CFAP74: variants seen among roughly 807,000 people sequenced by gnomAD.
CFAP74 encodes cilia and flagella associated protein 74, also known as cilia- and flagella-associated protein 74.
A neutral mutation model predicts 188.9 loss-of-function variants in CFAP74; 124 were observed. That is an observed-to-expected ratio of 0.66 (90% CI 0.57 to 0.76). The LOEUF (loss-of-function observed/expected upper bound fraction) is 0.76. Ranked by LOEUF, CFAP74 falls within the 30% of genes least tolerant of loss-of-function variation. The probability of loss-of-function intolerance (pLI) is 0.00; values close to 1 mark genes in which losing one functional copy is unlikely to be tolerated. For missense variants in CFAP74, 2,198 were observed against 2,165.2 expected (o/e 1.02, Z -0.30); for synonymous variants, 956 against 916.7 (o/e 1.04, Z -0.77).
chr1:1,941,408 T>C (rs921992390), intron 22 of CFAP74, among the ~76,000 whole-genome samples: 15 of 152,110 alleles, frequency 9.9e-5, no homozygotes, highest in Non-Finnish European at 1.3e-4. Flanking sequence ...GCACAACAAA[T>C]GTTCAAGCGC....
In CFAP74 at chr1:1,930,307, C is replaced by T; in HGVS notation, c.3041G>A (p.Gly1014Asp). 6.5e-7 allele frequency: 1 copy of T among 1,530,134 alleles called. No individual in the cohort carries two copies. Among genetic ancestry groups the T allele is most frequent in the Non-Finnish European group, 8.8e-7 (1 of 1,142,240 alleles). 94.8% of individuals were successfully genotyped at this position (1,530,134 alleles called of 1,614,324 possible). A position where few individuals can be genotyped will look rare whatever the true frequency, so the allele number is the denominator to read the frequency against. ...RCFKLSCRAV[G>D]VHPPLELSHY... ...GGACAGCTCCAGGGGTGGGTGGACG[C>T]CTACAGCCCGGCAAGACAGCTTGAA... is the stretch of plus-strand genomic sequence containing the variant. Residue 1014 changes from glycine (G) to aspartate (D), a missense_variant, in exon 26 of 39, where the codon GGC (glycine) becomes GAC (aspartate). Coordinates refer to ENST00000682832, the MANE Select transcript of CFAP74 (RefSeq NM_001304360.2).
chr1:1,990,632 G>C (rs1370101852), intron 2 of CFAP74, among the ~76,000 whole-genome samples: 2 of 152,100 alleles, frequency 1.3e-5, no homozygotes, highest in Admixed American at 1.3e-4. Context: ...TCAAAGGATT[G>C]GGATAAAAAT....
At chr1:1,993,141 C>T (rs1490614799) in intron 1 of CFAP74, among the ~76,000 whole-genome samples, 2 of 139,232 alleles carry the variant, frequency 1.4e-5, no homozygotes, top group East Asian at 4.3e-4. Context: ...GCGGAGGTTG[C>T]AGTGAGCCGA....
intron 25 of CFAP74, among the ~76,000 whole-genome samples, chr1:1,932,077 AAAC>A (rs1456843098): frequency 2.5e-4 from 15 of 59,504 alleles, no homozygotes; most frequent in East Asian, 7.0e-4. Context: ...AAAAAAAAAA[AAAC>A]AAAAAACAAA....
At chr1:2,000,862 G>A (rs572830314) in intron 1 of CFAP74, among the ~76,000 whole-genome samples, 23 of 152,204 alleles carry the variant, frequency 1.5e-4, no homozygotes, top group South Asian at 1.5e-3. Flanking sequence ...AGACAGCCCC[G>A]ATGGCCACGG....
chr1:1,973,897 G>T lies in CFAP74; in HGVS notation c.674+128C>A. The T allele has an allele frequency of 1.2e-6, 1 of 858,044 alleles. No homozygotes were observed. The highest frequency in any genetic ancestry group is 1.7e-6 in the Non-Finnish European group (1 of 592,482). The allele number at this position is 858,044 out of a possible 1,614,324, so 53.2% of individuals were successfully genotyped here. ...GGAGGAGCAAGCTGGGAGGAGGCAG[G>T]GAGGGGTGGAGGTGGATCTGGACAG... On this transcript the variant is annotated intron_variant, in intron 7 of 38. Transcript: ENST00000682832. This position sits in a 1 kb window ranked among gnomAD's most constrained non-coding sequence, Gnocchi z 6.2.
chr1:1,924,571 C>A, intron 33 of CFAP74, 51 bp from the exon 34 acceptor site: 1 of 1,559,718 alleles, frequency 6.4e-7, no homozygotes, highest in Non-Finnish European at 8.7e-7. Flanking sequence ...CCTGGCTGCC[C>A]CCTTCCTGTC....
In CFAP74 at chr1:1,923,925, C is replaced by A. The variant is rs144648593; in HGVS notation, c.4239G>T (p.Thr1413=). The change falls in exon 35 of 39, where the codon ACG becomes ACT. Residue 1413 remains threonine, a synonymous_variant. Transcript: ENST00000682832. The surrounding 1 kb of genome is among the most constrained non-coding windows in gnomAD (Gnocchi z 6.3). ...ACACGCTCTGACCGTTGAGATTCTG[C>A]GTCCCTGCGGGTAGGGTGGGGTGCA... is the stretch of plus-strand genomic sequence containing the variant. The part of the protein sequence containing the change: ...SPSQRTEVVG[T]QNLNGQSVFS... 2 of 1,608,472 alleles carry A rather than the reference C, an allele frequency of 1.2e-6. No homozygotes were observed. Among genetic ancestry groups the A allele is most frequent in the East Asian group, 4.5e-5 (2 of 44,834 alleles).
rs749423878 is a variant in CFAP74, at chr1:1,956,576, G to A, written c.2016+44C>T. 4.3e-6 allele frequency: 7 copies of A among 1,611,218 alleles called. No homozygotes were observed. In the Admixed American group the frequency reaches 1.0e-4, roughly 23 times the overall value. On this transcript the variant is annotated intron_variant, in intron 17 of 38. Transcript: ENST00000682832. ...TTCACCCACATGGGACTGGATTTGGGGGGCAGGTCCCCACACTCCCCCATG... is the reference window on the plus strand; with the variant it reads ...TTCACCCACATGGGACTGGATTTGGAGGGCAGGTCCCCACACTCCCCCATG...
intron 14 of CFAP74, among the ~76,000 whole-genome samples, chr1:1,960,317 G>C (rs1156763870): frequency 6.6e-6 from 1 of 152,382 alleles, no homozygotes; most frequent in Admixed American, 6.5e-5. Context: ...CCAGGAAATG[G>C]GACCCCATGG....
intron 2 of CFAP74, among the ~76,000 whole-genome samples, chr1:1,990,548 C>T (rs1193183834): frequency 6.6e-6 from 1 of 152,104 alleles, no homozygotes; most frequent in Non-Finnish European, 1.5e-5. Context: ...CAAGGCACGT[C>T]TCAGTAACAT....
intron 12 of CFAP74, among the ~76,000 whole-genome samples, chr1:1,966,075 T>G (rs1483873524): frequency 2.0e-5 from 3 of 152,222 alleles, no homozygotes; most frequent in Non-Finnish European, 1.5e-5. Context: ...CCTTTCAGCT[T>G]TGGAGCCCCA....
Position 1,987,016 on chromosome 1 carries a change from GA to G in CFAP74, c.315del (p.Arg106GlyfsTer6). On this transcript the variant is annotated frameshift_variant, in exon 5 of 39. Transcript: ENST00000682832. LOFTEE classifies it high-confidence loss of function. ...TTGTCGATCAGGTCCCGCCTCTGCC[GA>G]CAGGCGCGCAGCTCCCCTCTGGAAC... Reference protein sequence around the residue: ...TEKMRGELRACRQRRDLIDKQ... With the variant: ...TEKMRGELRAXRQRRDLIDKQ... 1 of 1,599,546 alleles carries G rather than the reference GA, an allele frequency of 6.3e-7. No homozygotes were observed. Among genetic ancestry groups the G allele is most frequent in the Middle Eastern group, 1.7e-4 (1 of 6,044 alleles).
chr1:1,954,478 A>T (rs1031892500), intron 18 of CFAP74: 1 of 154,616 alleles, frequency 6.5e-6, no homozygotes, highest in African/African-American at 2.4e-5. Flanking sequence ...AACTTGCACA[A>T]CCACTTTGAA....
Position 1,939,766 on chromosome 1 carries a change from T to C in CFAP74, c.2705A>G (p.Asn902Ser). Residue 902 changes from asparagine (N) to serine (S), a missense_variant and splice_region_variant, in exon 24 of 39, where the codon AAC (asparagine) becomes AGC (serine). Asn to Ser is a conservative substitution (Grantham distance 46). Coordinates refer to ENST00000682832, the MANE Select transcript of CFAP74 (RefSeq NM_001304360.2). Reference sequence around the variant, plus strand: ...ATGCACGGTGAATCCCACTGGCTTGTTCTGAGACATAAAGGGCACAGGCGC... The same window carrying C: ...ATGCACGGTGAATCCCACTGGCTTGCTCTGAGACATAAAGGGCACAGGCGC... ...APMTIWVADQ[N>S]KPVGFTVHAI... The C allele has an allele frequency of 6.5e-7, 1 of 1,534,914 alleles. No individual in the cohort carries two copies. The highest frequency in any genetic ancestry group is 8.7e-7 in the Non-Finnish European group (1 of 1,145,946).
At position 1,947,069 on chromosome 1, in the gene CFAP74, G is replaced by A; in HGVS notation, c.2177-15C>T. 1 of 1,531,462 alleles carries A rather than the reference G, an allele frequency of 6.5e-7. No homozygotes were observed. The highest frequency in any genetic ancestry group is 2.0e-5 in the Admixed American group (1 of 50,992). 94.9% of individuals were successfully genotyped at this position (1,531,462 alleles called of 1,614,324 possible). The stretch of plus-strand genomic sequence containing the variant: ...TCTCTCTGGTTCTGGAAGAGAAGGG[G>A]GATCCAGAGGTGAGGGTTGGCAGGG... On this transcript the variant is annotated splice_polypyrimidine_tract_variant and intron_variant, in intron 18 of 38. Transcript: ENST00000682832.
At chr1:1,949,783 T>C (rs76788638) in intron 18 of CFAP74, among the ~76,000 whole-genome samples, 2,193 of 152,302 alleles carry the variant, frequency 0.014, 58 homozygotes, top group African/African-American at 0.049. Context: ...TTACAGTCTT[T>C]TGCGTCTGAG....
chr1:1,985,492 T>C lies in CFAP74; in HGVS notation c.396-2A>G, dbSNP rs1391724457. On this transcript the variant is annotated splice_acceptor_variant, in intron 5 of 38. Coordinates refer to ENST00000682832, the MANE Select transcript of CFAP74 (RefSeq NM_001304360.2). LOFTEE classifies it high-confidence loss of function. ...GCCTGGAGGCGGCCCACAGCGGCCC[T>C]GCAGTGGTGAACGGACAGGCCGGGC... 7 of 1,612,842 alleles carry C rather than the reference T, an allele frequency of 4.3e-6. No homozygotes were observed. Among genetic ancestry groups the C allele is most frequent in the Non-Finnish European group, 5.9e-6 (7 of 1,179,326 alleles).
intron 6 of CFAP74, among the ~76,000 whole-genome samples, chr1:1,980,072 T>G: frequency 1.4e-5 from 2 of 144,462 alleles, no homozygotes; most frequent in Admixed American, 6.9e-5. Context: ...TCTTACCGCG[T>G]GGGGAGGACG....
Sources: allele counts gnomAD v4.1 joint callset (sites outside exome capture counted in the v4.1 genomes callset), GRCh38; gene constraint gnomAD v4.1.1; non-coding constraint Gnocchi (gnomAD v3.1); transcripts MANE v1.5; gene names NCBI Gene and HGNC (gene_info 2026-07-23, HGNC 2026-07-21).